Variants in DISP1 observed in about 807,000 individuals in gnomAD.
DISP1 encodes the protein protein dispatched homolog 1.
A neutral mutation model predicts 37.3 loss-of-function variants in DISP1; 30 were observed. That is an observed-to-expected ratio of 0.80 (90% CI 0.60 to 1.09). DISP1 has a LOEUF of 1.09. DISP1 is among the 50% of genes least tolerant of loss of function. DISP1 has a pLI of 0.00. For missense variants in DISP1, 1,598 were observed against 1,879.5 expected (o/e 0.85, Z 2.77); for synonymous variants, 634 against 690.2 (o/e 0.92, Z 1.28).
intron 3 of DISP1, among the ~76,000 whole-genome samples, chr1:222,952,669 G>A (rs1675308372): frequency 6.6e-6 from 1 of 152,250 alleles, no homozygotes; most frequent in East Asian, 1.9e-4. Flanking sequence ...GGCCAACATG[G>A]TGAAACCCCA....
At chr1:222,959,034 G>A (rs1189694209) in intron 3 of DISP1, among the ~76,000 whole-genome samples, 1 of 151,480 alleles carries the variant, frequency 6.6e-6, no homozygotes, top group Non-Finnish European at 1.5e-5. Flanking sequence ...TCTCCTTTTA[G>A]TAATTTGTGA....
chr1:222,844,933 C>T (rs1326089328), intron 1 of DISP1, among the ~76,000 whole-genome samples: 2 of 152,072 alleles, frequency 1.3e-5, no homozygotes, highest in African/African-American at 4.8e-5. Flanking sequence ...ATGGGTATTG[C>T]TGGGCAACAA....
chr1:222,948,232 T>TG (rs1558349503), intron 3 of DISP1, among the ~76,000 whole-genome samples: 1 of 152,194 alleles, frequency 6.6e-6, no homozygotes, highest in Non-Finnish European at 1.5e-5. Flanking sequence ...TACATGACAA[T>TG]GCACTGAGGG....
chr1:222,959,384 T>C (rs1298002231), intron 3 of DISP1, among the ~76,000 whole-genome samples: 1 of 152,128 alleles, frequency 6.6e-6, no homozygotes, highest in African/African-American at 2.4e-5. Flanking sequence ...TTTCATTTTA[T>C]AGATGAAGAA....
At chr1:222,895,482 G>A (rs964028404) in intron 1 of DISP1, among the ~76,000 whole-genome samples, 6 of 151,902 alleles carry the variant, frequency 3.9e-5, no homozygotes, top group African/African-American at 1.2e-4. Flanking sequence ...ATCATTTTTC[G>A]CAATCTGTGA....
chr1:222,876,938 A>T (rs1025750425), intron 1 of DISP1, among the ~76,000 whole-genome samples: 1 of 152,230 alleles, frequency 6.6e-6, no homozygotes, highest in African/African-American at 2.4e-5. Context: ...ATGGTTATTC[A>T]TATTAGTCTC....
At position 223,004,003 on chromosome 1, in the gene DISP1, C is replaced by G; in HGVS notation, c.2606C>G (p.Ala869Gly). The G allele has an allele frequency of 6.2e-7, 1 of 1,614,176 alleles. No homozygotes were observed. Among genetic ancestry groups the G allele is most frequent in the Non-Finnish European group, 8.5e-7 (1 of 1,180,020 alleles). ...WMENQDCDEPALYPCCSHWSF... is the reference protein window; with the variant it reads ...WMENQDCDEPGLYPCCSHWSF... ...GAAAACCAGGACTGTGATGAGCCTG[C>G]CCTGTACCCATGCTGCAGCCACTGG... The change falls in exon 9 of 9, where the codon GCC (alanine) becomes GGC (glycine). Residue 869 changes from alanine to glycine, a missense_variant. Coordinates refer to ENST00000675850, the MANE Select transcript of DISP1 (RefSeq NM_001377229.1). This position sits in a 1 kb window ranked among gnomAD's most constrained non-coding sequence, Gnocchi z 4.9.
chr1:222,843,554 A>C (rs913048715), intron 1 of DISP1, among the ~76,000 whole-genome samples: 4 of 145,692 alleles, frequency 2.7e-5, no homozygotes, highest in African/African-American at 4.9e-5. Flanking sequence ...GACCTTCTCT[A>C]ATGAAGGATG....
chr1:222,890,964 C>G (rs1670906746), intron 1 of DISP1, among the ~76,000 whole-genome samples: 1 of 152,044 alleles, frequency 6.6e-6, no homozygotes, highest in Non-Finnish European at 1.5e-5. Context: ...CCAGTATGAA[C>G]TCATTTTAAC....
chr1:222,931,685 CTTTT>C (rs5781291), intron 2 of DISP1, among the ~76,000 whole-genome samples: 3 of 140,622 alleles, frequency 2.1e-5, no homozygotes, highest in East Asian at 4.1e-4. Flanking sequence ...CACCAGGAAT[CTTTT>C]TTTTTTTTTT....
At chr1:222,909,662 G>T (rs941778607) in intron 1 of DISP1, among the ~76,000 whole-genome samples, 1 of 152,196 alleles carries the variant, frequency 6.6e-6, no homozygotes, top group African/African-American at 2.4e-5. Context: ...GGATATAAAA[G>T]ATAAAACTAA....
At chr1:222,859,158 G>T (rs1253221530) in intron 1 of DISP1, among the ~76,000 whole-genome samples, 2 of 152,118 alleles carry the variant, frequency 1.3e-5, no homozygotes, top group Admixed American at 6.5e-5. Context: ...GCCATAAAAA[G>T]GAATGAGATC....
intron 3 of DISP1, among the ~76,000 whole-genome samples, chr1:222,947,019 A>T (rs558866812): frequency 6.6e-6 from 1 of 152,312 alleles, no homozygotes; most frequent in African/African-American, 2.4e-5. Context: ...TTGTGGTGAA[A>T]TATACATAAC....
chr1:222,950,518 T>C (rs1675136408), intron 3 of DISP1, among the ~76,000 whole-genome samples: 1 of 151,926 alleles, frequency 6.6e-6, no homozygotes, highest in Non-Finnish European at 1.5e-5. Context: ...GAGAATGGCC[T>C]GAACCCGGGA....
chr1:222,870,424 T>C (rs1669477067), intron 1 of DISP1, among the ~76,000 whole-genome samples: 1 of 152,210 alleles, frequency 6.6e-6, no homozygotes, highest in South Asian at 2.1e-4. Flanking sequence ...AAAGTGTTCC[T>C]ATTTCTCCAC....
chr1:222,878,964 G>C (rs1016312385), intron 1 of DISP1, among the ~76,000 whole-genome samples: 1 of 152,056 alleles, frequency 6.6e-6, no homozygotes, highest in African/African-American at 2.4e-5. Context: ...GCTTTTGGAG[G>C]TATAAATAAA....
chr1:222,939,452 C>A (rs552422770), intron 2 of DISP1, among the ~76,000 whole-genome samples: 157 of 138,310 alleles, frequency 1.1e-3, no homozygotes, highest in African/African-American at 3.9e-3. Context: ...GAGGGGATTT[C>A]AGGGTTCTTT....
intron 1 of DISP1, among the ~76,000 whole-genome samples, chr1:222,886,166 A>G (rs1670588686): frequency 1.3e-5 from 2 of 152,328 alleles, no homozygotes; most frequent in African/African-American, 4.8e-5. Context: ...GCTCATACAC[A>G]AATTCCTTTT....
chr1:222,845,700 A>G (rs1667858238), intron 1 of DISP1, among the ~76,000 whole-genome samples: 1 of 152,126 alleles, frequency 6.6e-6, no homozygotes, highest in Admixed American at 6.6e-5. Context: ...ATGTGTATGT[A>G]TTTGTGTGTT....
Sources: gnomAD v4.1 joint callset for allele counts (sites outside exome capture counted in the v4.1 genomes callset) on GRCh38, gnomAD v4.1.1 for gene constraint, Gnocchi (gnomAD v3.1) non-coding constraint, MANE v1.5 for transcripts, NCBI Gene and HGNC (gene_info 2026-07-23, HGNC 2026-07-21) for gene names.